SUCLG2: variants seen among roughly 807,000 people sequenced by gnomAD.
The protein encoded by SUCLG2 is succinate-CoA ligase GDP-forming subunit beta, also known as succinate--CoA ligase [GDP-forming] subunit beta, mitochondrial.
SUCLG2 carries 42 observed loss-of-function variants against 47.9 expected under a neutral mutation model. That is an observed-to-expected ratio of 0.88 (90% CI 0.69 to 1.14). The LOEUF is 1.14. SUCLG2 is among the 50% of genes most tolerant of loss of function. The probability of loss-of-function intolerance (pLI) is 0.00; values close to 1 mark genes in which losing one functional copy is unlikely to be tolerated. For missense variants in SUCLG2, 571 were observed against 525.9 expected, an observed-to-expected ratio of 1.09 and a Z score of -0.84; for synonymous variants, 195 against 197.3, an observed-to-expected ratio of 0.99 and a Z score of 0.10.
rs1469990543 is a variant in SUCLG2 at position 67,443,838 on chromosome 3, G to A, written c.1063-42987C>T. Among the ~76,000 whole-genome samples the A allele has an allele frequency of 3.6e-5, 3 of 82,580 alleles. 1 individual carries two copies. The highest frequency in any genetic ancestry group is 8.6e-5 in the Non-Finnish European group (3 of 34,716). 54.2% of individuals were successfully genotyped at this position (82,580 alleles called of 152,430 possible). ...GGCAACCACTCCGTCTGAGAAGTGAGGAGCCCCTCCGCCCGGCAGCTGCCC... is the reference window on the plus strand; with the variant it reads ...GGCAACCACTCCGTCTGAGAAGTGAAGAGCCCCTCCGCCCGGCAGCTGCCC... On this transcript the variant is annotated intron_variant, in intron 9 of 10. Coordinates refer to ENST00000307227, the MANE Select transcript of SUCLG2 (RefSeq NM_003848.4).
chr3:67,590,939 AG>A (rs1305429601), intron 2 of SUCLG2, among the ~76,000 whole-genome samples: 2 of 151,216 alleles, frequency 1.3e-5, no homozygotes, highest in African/African-American at 4.9e-5. Flanking sequence ...AAATTTCTAA[AG>A]TAAAAATTAA....
At chr3:67,369,937 T>C (rs1701929425), downstream of SUCLG2, among the ~76,000 whole-genome samples, 1 of 152,202 alleles carries the variant, frequency 6.6e-6, no homozygotes, top group African/African-American at 2.4e-5. Flanking sequence ...ACATAGTAAA[T>C]ACTAAATTAA....
intron 9 of SUCLG2, among the ~76,000 whole-genome samples, chr3:67,457,794 T>G (rs545964814): frequency 4.0e-5 from 6 of 148,254 alleles, no homozygotes; most frequent in African/African-American, 1.5e-4. Flanking sequence ...ACCTTTACCA[T>G]GCATGAGACA....
intron 9 of SUCLG2, among the ~76,000 whole-genome samples, chr3:67,409,491 A>G (rs995002173): frequency 6.6e-6 from 1 of 152,176 alleles, no homozygotes; most frequent in African/African-American, 2.4e-5. Context: ...CATTCTAGTT[A>G]GTTCCATGGC....
chr3:67,406,035 C>T (rs1409980622), intron 9 of SUCLG2, among the ~76,000 whole-genome samples: 1 of 152,108 alleles, frequency 6.6e-6, no homozygotes, highest in Non-Finnish European at 1.5e-5. Flanking sequence ...ATGGCTTAGT[C>T]TCTTTGTGTT....
intron 2 of SUCLG2, among the ~76,000 whole-genome samples, chr3:67,539,439 T>G (rs1478494438): frequency 6.6e-6 from 1 of 152,204 alleles, no homozygotes; most frequent in Non-Finnish European, 1.5e-5. Flanking sequence ...AGCTTTTTGT[T>G]GTGCTGCTGA....
At chr3:67,489,958 G>A (rs1012163326) in intron 9 of SUCLG2, among the ~76,000 whole-genome samples, 1 of 152,182 alleles carries the variant, frequency 6.6e-6, no homozygotes, top group Non-Finnish European at 1.5e-5. Flanking sequence ...TACATAACTA[G>A]AACTTTCCAG....
At chr3:67,635,747 C>G (rs1411098267) in intron 1 of SUCLG2, among the ~76,000 whole-genome samples, 2 of 152,070 alleles carry the variant, frequency 1.3e-5, no homozygotes, top group Non-Finnish European at 2.9e-5. Flanking sequence ...GTTTAGCCAC[C>G]ATTGCACCCT....
rs774299002 is a variant in SUCLG2 at position 67,528,215 on chromosome 3, C to T, written c.334G>A (p.Val112Ile). 3 of 1,613,688 alleles carry T rather than the reference C, an allele frequency of 1.9e-6. No homozygotes were observed. The South Asian group carries it at 3.3e-5, about 18-fold the overall frequency. Residue 112 changes from valine (V) to isoleucine (I), a missense_variant, in exon 4 of 11, where the codon GTT (valine) becomes ATT (isoleucine). Coordinates refer to ENST00000307227, the MANE Select transcript of SUCLG2 (RefSeq NM_003848.4). The stretch of plus-strand genomic sequence containing the variant: ...ATCTGTTTAGCCAGCTGTCCCACAA[C>T]ATTAGGGCTAAGAGAAAGAGAAAAC... Reference protein sequence around the residue: ...GGVHLTKDPNVVGQLAKQMIG... With the variant: ...GGVHLTKDPNIVGQLAKQMIG...
At chr3:67,448,613 G>A (rs1056612940) in intron 9 of SUCLG2, among the ~76,000 whole-genome samples, 3 of 152,126 alleles carry the variant, frequency 2.0e-5, no homozygotes, top group African/African-American at 7.2e-5. Context: ...TCAAATTCCC[G>A]ACCTCAGGAG....
intron 2 of SUCLG2, among the ~76,000 whole-genome samples, chr3:67,580,347 C>G (rs1221885461): frequency 6.6e-6 from 1 of 152,096 alleles, no homozygotes; most frequent in African/African-American, 2.4e-5. Flanking sequence ...GAAGGTCACA[C>G]CACAAACTGA....
At chr3:67,542,495 G>A (rs1458909703) in intron 2 of SUCLG2, among the ~76,000 whole-genome samples, 1 of 152,122 alleles carries the variant, frequency 6.6e-6, no homozygotes, top group African/African-American at 2.4e-5. Flanking sequence ...AACCTTAAAT[G>A]TAAATGAGGT....
chr3:67,431,559 TA>T (rs1240290183), intron 9 of SUCLG2, among the ~76,000 whole-genome samples: 5 of 152,014 alleles, frequency 3.3e-5, no homozygotes, highest in South Asian at 4.1e-4. Flanking sequence ...TATGCAGCCA[TA>T]AAAAAGGTTG....
chr3:67,579,914 G>A (rs1027620860), intron 2 of SUCLG2, among the ~76,000 whole-genome samples: 9 of 151,986 alleles, frequency 5.9e-5, no homozygotes, highest in African/African-American at 2.2e-4. Context: ...TAAACAGAAA[G>A]ACACATTATT....
intron 1 of SUCLG2, among the ~76,000 whole-genome samples, chr3:67,647,619 C>T (rs375063326): frequency 3.9e-5 from 6 of 152,340 alleles, no homozygotes; most frequent in South Asian, 2.1e-4. Flanking sequence ...CTTTGATGCA[C>T]GAGGTCCAGC....
At chr3:67,377,497 G>A (rs1702060543) in intron 10 of SUCLG2, among the ~76,000 whole-genome samples, 1 of 152,132 alleles carries the variant, frequency 6.6e-6, no homozygotes, top group Non-Finnish European at 1.5e-5. Flanking sequence ...CCTGCATCTC[G>A]AAGGGGACAT....
At chr3:67,376,801 C>A (rs1702042740) in intron 10 of SUCLG2, among the ~76,000 whole-genome samples, 1 of 152,144 alleles carries the variant, frequency 6.6e-6, no homozygotes, top group Non-Finnish European at 1.5e-5. Context: ...TGAAGATGGC[C>A]GCTTGGCACT....
intron 4 of SUCLG2, 49 bp downstream of exon 4, chr3:67,528,083 T>C (rs1335417256): frequency 6.6e-7 from 1 of 1,525,590 alleles, no homozygotes; most frequent in Non-Finnish European, 9.0e-7. Context: ...GGTTTTCTTT[T>C]CTATTTTTTA....
intron 2 of SUCLG2, among the ~76,000 whole-genome samples, chr3:67,585,790 C>T (rs766615673): frequency 6.6e-6 from 1 of 151,828 alleles, no homozygotes; most frequent in African/African-American, 2.4e-5. Flanking sequence ...TGGCAAAACC[C>T]CATCTCTACT....
Sources: gnomAD v4.1 joint callset for allele counts (sites outside exome capture counted in the v4.1 genomes callset) on GRCh38, gnomAD v4.1.1 for gene constraint, MANE v1.5 for transcripts, NCBI Gene and HGNC (gene_info 2026-07-23, HGNC 2026-07-21) for gene names.